Variants in ALPK2 observed in about 807,000 individuals in gnomAD.
The protein encoded by ALPK2 is alpha kinase 2.
In ALPK2, 127 loss-of-function variants were observed where a neutral mutation model predicts 163.1. The ratio of observed to expected loss-of-function variants is 0.78; its 90% confidence interval spans 0.67 to 0.90. ALPK2 has a LOEUF of 0.90. Among genes scored for constraint, ALPK2 ranks in the 40% least tolerant of loss-of-function variants. The pLI is 0.00. For synonymous variants in ALPK2, 953 were observed against 959.1 expected (o/e 0.99, Z 0.12); for missense variants, 2,360 against 2,589.6 (o/e 0.91, Z 1.92).
chr18:58,535,192 G>A lies in ALPK2; in HGVS notation c.4995C>T (p.Ala1665=), dbSNP rs931302917. ...FISGERELEK[A]PKLLQDPCQK... is the part of the protein sequence containing the mutation. Reference sequence around the variant, plus strand: ...GACATGGATCCTGCAGTAATTTAGGGGCTTTCTCTAACTCACGTTCTCCTG... The same window carrying A: ...GACATGGATCCTGCAGTAATTTAGGAGCTTTCTCTAACTCACGTTCTCCTG... The change falls in exon 5 of 13, where the codon GCC becomes GCT. Residue 1665 remains alanine, a synonymous_variant. Transcript: ENST00000361673. 2 of 1,613,998 alleles carry A rather than the reference G, an allele frequency of 1.2e-6. No individual in the cohort carries two copies. The highest frequency in any genetic ancestry group is 1.7e-6 in the Non-Finnish European group (2 of 1,179,998).
In ALPK2 at chr18:58,516,946, CA is replaced by C. The variant is rs2051524815; in HGVS notation, c.5901del (p.Asn1967LysfsTer67). 6.2e-7 allele frequency: 1 copy of C among 1,614,046 alleles called. No homozygotes were observed. The highest frequency in any genetic ancestry group is 1.1e-5 in the South Asian group (1 of 91,078). On this transcript the variant is annotated frameshift_variant, in exon 9 of 13. Coordinates refer to ENST00000361673, the MANE Select transcript of ALPK2 (RefSeq NM_052947.4). LOFTEE classifies it high-confidence loss of function. The stretch of plus-strand genomic sequence containing the variant: ...TTGTAGTTCCTTTGGATGAGCTCAT[CA>C]TTATTTCTGGTCCCATAGGCAATGG... ...HNAIAYGTRN[N>X]DELIQRNYKL...
intron 4 of ALPK2, chr18:58,544,155 G>C (rs535205567): frequency 6.6e-6 from 1 of 152,266 alleles, no homozygotes; most frequent in Non-Finnish European, 1.5e-5. Context: ...GAGGGGAAAG[G>C]GTAAACCAAA....
intron 4 of ALPK2, among the ~76,000 whole-genome samples, chr18:58,569,479 G>C (rs1227538298): frequency 6.6e-6 from 1 of 152,194 alleles, no homozygotes; most frequent in Non-Finnish European, 1.5e-5. Flanking sequence ...ACTTCAGTGT[G>C]TGTATGAATC....
intron 8 of ALPK2, among the ~76,000 whole-genome samples, chr18:58,521,334 G>C (rs1008697663): frequency 3.3e-5 from 5 of 152,220 alleles, no homozygotes; most frequent in Non-Finnish European, 7.3e-5. Flanking sequence ...AAGTGTCTGA[G>C]ATGTGAATGC....
intron 4 of ALPK2, among the ~76,000 whole-genome samples, chr18:58,567,298 C>T (rs940586192): frequency 3.3e-5 from 5 of 151,844 alleles, no homozygotes; most frequent in East Asian, 1.9e-4. Flanking sequence ...ACAAGAGAAT[C>T]GCTTGAACCT....
At chr18:58,544,022 T>A (rs146023071) in intron 4 of ALPK2, among the ~76,000 whole-genome samples, 2 of 152,332 alleles carry the variant, frequency 1.3e-5, no homozygotes, top group Non-Finnish European at 2.9e-5. Flanking sequence ...CATCTCTCAA[T>A]TTCTCTACTT....
At chr18:58,502,176 ACAC>A (rs763704786) in intron 11 of ALPK2, among the ~76,000 whole-genome samples, 6,009 of 138,738 alleles carry the variant, frequency 0.043, 298 homozygotes, top group East Asian at 0.27. Flanking sequence ...ACACACACAC[ACAC>A]AAAGAAAAAA....
chr18:58,588,481 T>A (rs1280501629), intron 3 of ALPK2, among the ~76,000 whole-genome samples: 2 of 152,210 alleles, frequency 1.3e-5, no homozygotes, highest in Non-Finnish European at 2.9e-5. Flanking sequence ...AGGTAACGTG[T>A]GCCATGGTGG....
chr18:58,569,856 C>T (rs1303529181), intron 4 of ALPK2, among the ~76,000 whole-genome samples: 2 of 150,518 alleles, frequency 1.3e-5, no homozygotes, highest in South Asian at 2.1e-4. Flanking sequence ...TCTGGCTGGG[C>T]GCGGTGGCTC....
chr18:58,608,147 A>G (rs950842479), intron 2 of ALPK2, among the ~76,000 whole-genome samples: 1 of 152,256 alleles, frequency 6.6e-6, no homozygotes, highest in African/African-American at 2.4e-5. Context: ...TTTGAAAATT[A>G]TACTTTAATA....
chr18:58,621,313 C>A, intron 1 of ALPK2, among the ~76,000 whole-genome samples: 1 of 149,466 alleles, frequency 6.7e-6, no homozygotes, highest in East Asian at 2.0e-4. Context: ...CTCGCTCTGT[C>A]ACCCAGGCTG....
At position 58,535,262 on chromosome 18, in the gene ALPK2, G is replaced by A; in HGVS notation, c.4925C>T (p.Pro1642Leu). The A allele has an allele frequency of 1.2e-6, 2 of 1,614,152 alleles. No individual in the cohort carries two copies. The highest frequency in any genetic ancestry group is 2.2e-5 in the South Asian group (2 of 91,074). ...CGCTGAGGAGCTAGATGAGCTTGGG[G>A]GTTTGGTTTCCCCAATTTGAAGCAC... ...IEVLQIGETK[P>L]PSSSSSSAKT... Residue 1642 changes from proline (P) to leucine (L), a missense_variant, in exon 5 of 13, where the codon CCC becomes CTC. Coordinates refer to ENST00000361673, the MANE Select transcript of ALPK2 (RefSeq NM_052947.4).
intron 3 of ALPK2, 150 bp from the exon 4 acceptor site, chr18:58,580,698 GGCAACTGACCTCTGGGCTCCGGT>G: frequency 2.6e-6 from 2 of 770,474 alleles, no homozygotes; most frequent in Non-Finnish European, 4.1e-6. Flanking sequence ...TGTGGCCAAA[GGCAACTGACCTCTGGGCTCCGGT>G]GCCCCTAGTG....
chr18:58,593,094 G>A (rs1419500043), intron 3 of ALPK2, among the ~76,000 whole-genome samples: 2 of 152,164 alleles, frequency 1.3e-5, no homozygotes, highest in Non-Finnish European at 2.9e-5. Flanking sequence ...CCTGTAGAAC[G>A]GACACCAAGA....
At position 58,537,349 on chromosome 18, in the gene ALPK2, A is replaced by T. The variant is rs75334530; in HGVS notation, c.2838T>A (p.Leu946=). 1,699 of 1,614,050 alleles carry T rather than the reference A, an allele frequency of 1.1e-3. 18 individuals carry two copies. In the East Asian group the frequency reaches 0.02, roughly 19 times the overall value. The part of the protein sequence containing the change: ...NSGGLDETQL[L]SSENNPLVQF... ...GCACTAAAGGATTGTTCTCAGAAGA[A>T]AGGAGCTGTGTTTCATCAAGCCCTC... The change falls in exon 5 of 13, where the codon CTT becomes CTA. Residue 946 remains leucine, a synonymous_variant. Transcript: ENST00000361673.
chr18:58,482,719 C>T (rs7231651), intron 12 of ALPK2, among the ~76,000 whole-genome samples: 44,475 of 151,912 alleles, frequency 0.29, 6,818 homozygotes, highest in African/African-American at 0.37. Context: ...CAGGAGTAGT[C>T]TCAGGGGTTG....
chr18:58,625,743 A>G (rs2052226451), intron 1 of ALPK2, among the ~76,000 whole-genome samples: 1 of 152,238 alleles, frequency 6.6e-6, no homozygotes, highest in African/African-American at 2.4e-5. Context: ...CAGCCAGGAC[A>G]TGAGGATTGC....
chr18:58,600,337 C>G (rs2052063072), intron 3 of ALPK2, among the ~76,000 whole-genome samples: 1 of 152,034 alleles, frequency 6.6e-6, no homozygotes. Flanking sequence ...GCATCCGGCC[C>G]CAGTGGGGGT....
intron 6 of ALPK2, chr18:58,528,779 C>T: frequency 3.0e-6 from 1 of 334,130 alleles, no homozygotes; most frequent in Non-Finnish European, 5.6e-6. Flanking sequence ...AATCTTAGGA[C>T]CACAGAACCT....
Sources: gnomAD v4.1 joint callset for allele counts (sites outside exome capture counted in the v4.1 genomes callset) on GRCh38, gnomAD v4.1.1 for gene constraint, MANE v1.5 for transcripts, NCBI Gene and HGNC (gene_info 2026-07-23, HGNC 2026-07-21) for gene names.